Variants in JAM2 observed in about 807,000 individuals in gnomAD.
The protein encoded by JAM2 is junctional adhesion molecule B.
In JAM2, 17 loss-of-function variants were observed where a neutral mutation model predicts 42.0. That is an observed-to-expected ratio of 0.40 (90% CI 0.28 to 0.61). The LOEUF is 0.61. Among genes scored for constraint, JAM2 ranks in the 20% least tolerant of loss-of-function variants. The pLI is 0.37. For missense variants in JAM2, 319 were observed against 358.3 expected (o/e 0.89, Z 0.89); for synonymous variants, 118 against 128.6 (o/e 0.92, Z 0.56).
intron 4 of JAM2, among the ~76,000 whole-genome samples, chr21:25,694,282 AAC>A (rs1267513831): frequency 3.3e-5 from 5 of 152,234 alleles, no homozygotes; most frequent in Admixed American, 2.0e-4. Flanking sequence ...GAGAAGCAAT[AAC>A]ACACAAAAAA....
At chr21:25,645,211 A>G (rs748056642) in intron 1 of JAM2, among the ~76,000 whole-genome samples, 7 of 152,144 alleles carry the variant, frequency 4.6e-5, no homozygotes, top group Middle Eastern at 3.2e-3. Context: ...GTTGTATTTC[A>G]AATTGCATAG....
chr21:25,709,481 CT>C, intron 8 of JAM2, 32 bp downstream of exon 8: 2 of 1,403,698 alleles, frequency 1.4e-6, no homozygotes, highest in Non-Finnish European at 2.0e-6. Flanking sequence ...GCATGTCTTT[CT>C]CCTATGTCAA....
chr21:25,701,302 CT>C (rs2034158718), intron 5 of JAM2, among the ~76,000 whole-genome samples: 2 of 152,182 alleles, frequency 1.3e-5, no homozygotes, highest in Non-Finnish European at 2.9e-5. Flanking sequence ...CTCCCTCCAT[CT>C]AGGAGGATCT....
chr21:25,705,906 C>T, intron 6 of JAM2, 73 bp from the exon 7 acceptor site: 1 of 1,047,688 alleles, frequency 9.5e-7, no homozygotes, highest in Non-Finnish European at 1.5e-6. Context: ...TTTTTTTGAA[C>T]CTTTTCAATT....
At chr21:25,706,644 T>C (rs1046395094) in intron 7 of JAM2, among the ~76,000 whole-genome samples, 4 of 152,210 alleles carry the variant, frequency 2.6e-5, no homozygotes, top group African/African-American at 9.7e-5. Context: ...CACCACAGAA[T>C]ATGCAAGAGG....
chr21:25,688,280 GTA>G (rs796163730), intron 2 of JAM2, among the ~76,000 whole-genome samples: 1 of 151,704 alleles, frequency 6.6e-6, no homozygotes, highest in East Asian at 1.9e-4. Context: ...GTATGTGTGT[GTA>G]CACGCGCCCA....
intron 3 of JAM2, chr21:25,692,079 C>T (rs1189506850): frequency 6.5e-6 from 1 of 152,942 alleles, no homozygotes; most frequent in African/African-American, 2.4e-5. Flanking sequence ...AGCTGCTCCT[C>T]ACAGGGCCCA....
intron 1 of JAM2, among the ~76,000 whole-genome samples, chr21:25,654,026 T>A (rs2032855067): frequency 6.6e-6 from 1 of 152,190 alleles, no homozygotes; most frequent in Admixed American, 6.5e-5. Context: ...ACCATTAGAA[T>A]TAACTAGGTC....
chr21:25,716,387 T>G lies in JAM2; in HGVS notation c.*1715T>G, dbSNP rs2123427591. ...CCGAACAAATGGATTAAGCACCCACTGAGTGCCTAGCATGTGCCTGGACAC... is the reference window on the plus strand; with the variant it reads ...CCGAACAAATGGATTAAGCACCCACGGAGTGCCTAGCATGTGCCTGGACAC... On this transcript the variant is annotated 3_prime_UTR_variant, in exon 10 of 10. Coordinates refer to ENST00000480456, the MANE Select transcript of JAM2 (RefSeq NM_021219.4). 6.6e-6 allele frequency: 1 copy of G among 152,362 alleles called. No homozygotes were observed. Among genetic ancestry groups the G allele is most frequent in the Admixed American group, 6.5e-5 (1 of 15,302 alleles). The allele number at this position is 152,362 out of a possible 1,614,324, so 9.4% of individuals were successfully genotyped here. A position where few individuals can be genotyped will look rare whatever the true frequency, so the allele number is the denominator to read the frequency against.
chr21:25,651,782 C>A (rs1416841296), intron 1 of JAM2, among the ~76,000 whole-genome samples: 1 of 152,176 alleles, frequency 6.6e-6, no homozygotes, highest in African/African-American at 2.4e-5. Context: ...CAATGGTAGG[C>A]ACTGTAGCGA....
chr21:25,660,782 A>ATATATATATATATATAT (rs1555861055), intron 1 of JAM2, among the ~76,000 whole-genome samples: 1 of 41,316 alleles, frequency 2.4e-5, no homozygotes, highest in Non-Finnish European at 3.7e-5. Context: ...ATATATATAT[A>ATATATATATATATATAT]TTTTTTTTTT....
At chr21:25,645,917 A>G (rs1207682465) in intron 1 of JAM2, among the ~76,000 whole-genome samples, 2 of 152,244 alleles carry the variant, frequency 1.3e-5, no homozygotes, top group East Asian at 1.9e-4. Context: ...AGCACAAAAG[A>G]TAAATGGTAC....
At chr21:25,649,595 T>C (rs2032715034) in intron 1 of JAM2, among the ~76,000 whole-genome samples, 1 of 152,116 alleles carries the variant, frequency 6.6e-6, no homozygotes, top group Non-Finnish European at 1.5e-5. Context: ...TATTAGCATG[T>C]TAGTTGTAAA....
intron 1 of JAM2, among the ~76,000 whole-genome samples, chr21:25,678,322 T>C (rs996622223): frequency 1.3e-5 from 2 of 152,230 alleles, no homozygotes; most frequent in Non-Finnish European, 1.5e-5. Flanking sequence ...TGGCTTGGTC[T>C]CCTGTCTCAT....
chr21:25,657,731 G>T (rs2032977340), intron 1 of JAM2, among the ~76,000 whole-genome samples: 1 of 152,110 alleles, frequency 6.6e-6, no homozygotes, highest in African/African-American at 2.4e-5. Flanking sequence ...TTGATTTAAT[G>T]ATTATTTGTA....
In JAM2 at chr21:25,716,490, C is replaced by T. The variant is rs554566455; in HGVS notation, c.*1818C>T. 13 of 152,200 alleles carry T rather than the reference C, an allele frequency of 8.5e-5. No individual in the cohort carries two copies. The highest frequency in any genetic ancestry group is 3.9e-4 in the East Asian group (2 of 5,190). The allele number at this position is 152,200 out of a possible 1,614,324, so 9.4% of individuals were successfully genotyped here. ...TCTCACCAGATCCCTTCCTGGAGGT[C>T]GGGCTTCTGTAACATGGCTCTGCCC... On this transcript the variant is annotated 3_prime_UTR_variant, in exon 10 of 10. Transcript: ENST00000480456.
At chr21:25,661,912 A>G (rs1435825922) in intron 1 of JAM2, among the ~76,000 whole-genome samples, 1 of 152,178 alleles carries the variant, frequency 6.6e-6, no homozygotes, top group Non-Finnish European at 1.5e-5. Context: ...TGGGAGAAAA[A>G]TGTTAAAAAA....
intron 6 of JAM2, 83 bp from the exon 7 acceptor site, chr21:25,705,896 T>G (rs1203649705): frequency 1.0e-6 from 1 of 964,020 alleles, no homozygotes; most frequent in Non-Finnish European, 1.7e-6. Context: ...AAAGGGGATC[T>G]TTTTTTGAAC....
chr21:25,701,428 TCTCCCTCC>T (rs758177225), intron 5 of JAM2, among the ~76,000 whole-genome samples: 27 of 150,852 alleles, frequency 1.8e-4, no homozygotes, highest in African/African-American at 6.6e-4. Context: ...TTCCTTCCTT[TCTCCCTCC>T]CTCCCTCCCT....
Sources: allele counts gnomAD v4.1 joint callset (sites outside exome capture counted in the v4.1 genomes callset), GRCh38; gene constraint gnomAD v4.1.1; transcripts MANE v1.5; gene names NCBI Gene and HGNC (gene_info 2026-07-23, HGNC 2026-07-21).